CHRNA3: variants seen among roughly 807,000 people sequenced by gnomAD.
The protein encoded by CHRNA3 is cholinergic receptor nicotinic alpha 3 subunit, also known as neuronal acetylcholine receptor subunit alpha-3.
A neutral mutation model predicts 41.9 loss-of-function variants in CHRNA3; 34 were observed. The ratio of observed to expected loss-of-function variants is 0.81; its 90% CI spans 0.62 to 1.08. The LOEUF (loss-of-function observed/expected upper bound fraction) is 1.08. Ranked by LOEUF, CHRNA3 falls within the 50% of genes least tolerant of loss-of-function variation. The pLI, the probability that CHRNA3 is intolerant of heterozygous loss-of-function variation, is 0.00. For synonymous variants in CHRNA3, 281 were observed against 265.2 expected, an observed-to-expected ratio of 1.06 and a Z score of -0.58; for missense variants, 542 against 638.3, an observed-to-expected ratio of 0.85 and a Z score of 1.63.
chr15:78,596,767 G>T, intron 5 of CHRNA3, 35 bp from the exon 6 acceptor site: 1 of 1,583,168 alleles, frequency 6.3e-7, no homozygotes, highest in Non-Finnish European at 8.5e-7. Context: ...AAAAAACATG[G>T]AGGGAAAGGC....
intron 4 of CHRNA3, among the ~76,000 whole-genome samples, chr15:78,611,337 C>A (rs982394809): frequency 1.3e-5 from 2 of 151,812 alleles, no homozygotes; most frequent in African/African-American, 4.8e-5. Context: ...TACTGGCAAA[C>A]CGAATCCAGC....
At chr15:78,616,329 G>C (rs1245435154) in intron 4 of CHRNA3, among the ~76,000 whole-genome samples, 1 of 151,294 alleles carries the variant, frequency 6.6e-6, no homozygotes, top group Non-Finnish European at 1.5e-5. Context: ...CTCCAGCCTG[G>C]GTGACAGTAA....
rs2053537650 is a variant in CHRNA3, at chr15:78,620,732, CAG to C, written c.61_62del (p.Leu21AlafsTer14). The C allele has an allele frequency of 1.3e-6, 2 of 1,491,234 alleles. No individual in the cohort carries two copies. The highest frequency in any genetic ancestry group is 2.1e-5 in the Admixed American group (1 of 47,476). The allele number at this position is 1,491,234 out of a possible 1,614,324, so 92.4% of individuals were successfully genotyped here. A position where few individuals can be genotyped will look rare whatever the true frequency, so the allele number is the denominator to read the frequency against. ...GCGTACCTGGCAGCAGAGACAGCAG[CAG>C]CAGCAGCAGCAGCCGCGGCGGCGAC... ...ALSPPRLLLLLLLSLLPVARA... is the reference protein window; with the variant it reads ...ALSPPRLLLLXLLSLLPVARA... On this transcript the variant is annotated frameshift_variant, in exon 1 of 6. Coordinates refer to ENST00000326828, the MANE Select transcript of CHRNA3 (RefSeq NM_000743.5). LOFTEE classifies it high-confidence loss of function.
intron 5 of CHRNA3, among the ~76,000 whole-genome samples, chr15:78,599,131 C>T (rs2053157521): frequency 6.6e-6 from 1 of 152,030 alleles, no homozygotes; most frequent in Admixed American, 6.6e-5. Context: ...TGAGCCACTG[C>T]ACCTGGCCTG....
chr15:78,597,806 A>G (rs963648500), intron 5 of CHRNA3, among the ~76,000 whole-genome samples: 3 of 152,248 alleles, frequency 2.0e-5, no homozygotes, highest in African/African-American at 7.2e-5. Flanking sequence ...TTTTGAAGCA[A>G]TAATGAAATT....
chr15:78,598,952 G>A (rs1200029573), intron 5 of CHRNA3, among the ~76,000 whole-genome samples: 1 of 150,956 alleles, frequency 6.6e-6, no homozygotes, highest in African/African-American at 2.4e-5. Flanking sequence ...TTGTGCCTCA[G>A]ACTCCCGAGT....
intron 4 of CHRNA3, 75 bp downstream of exon 4, chr15:78,616,949 T>A (rs2053471341): frequency 1.0e-6 from 1 of 997,814 alleles, no homozygotes; most frequent in Non-Finnish European, 1.5e-6. Context: ...AAGGCCAGGT[T>A]TTAAGCACAG....
Position 78,601,300 on chromosome 15 carries a change from C to T in CHRNA3, c.1342G>A (p.Val448Ile), listed in dbSNP as rs199515569. ...SPEIKEAIQS[V>I]KYIAENMKAQ... ...TTCATATTTTCAGCAATATACTTGA[C>T]ACTTTGGATGGCTTCTTTGATTTCT... Residue 448 changes from valine to isoleucine, a missense_variant, in exon 5 of 6, where the codon GTC becomes ATC. Coordinates refer to ENST00000326828, the MANE Select transcript of CHRNA3 (RefSeq NM_000743.5). The T allele has an allele frequency of 9.9e-6, 16 of 1,614,076 alleles. No homozygotes were observed. The East Asian group carries it at 3.3e-4, about 34-fold the overall frequency.
chr15:78,618,847 G>C lies in CHRNA3; in HGVS notation c.151C>G (p.Arg51Gly). ...RLFEDYNEII[R>G]PVANVSDPVI... ...GGGTCAGACACGTTGGCTACAGGCC[G>C]GATGATCTCATTGTAATCTTCAAAC... The change falls in exon 2 of 6, where the codon CGG becomes GGG. Residue 51 changes from arginine (R) to glycine (G), a missense_variant. Coordinates refer to ENST00000326828, the MANE Select transcript of CHRNA3 (RefSeq NM_000743.5). The C allele has an allele frequency of 6.2e-7, 1 of 1,614,126 alleles. No homozygotes were observed. Among genetic ancestry groups the C allele is most frequent in the Non-Finnish European group, 8.5e-7 (1 of 1,180,028 alleles).
chr15:78,600,083 AATT>A (rs2053174563), intron 5 of CHRNA3: 1 of 151,594 alleles, frequency 6.6e-6, no homozygotes, highest in African/African-American at 2.4e-5. Context: ...TTTTTTAAAA[AATT>A]AATTAATTAA....
rs1437066050 is a variant in CHRNA3 at position 78,612,550 on chromosome 15, C to T, written c.377+4474G>A. Among the ~76,000 whole-genome samples, 2 of 110,992 alleles carry T rather than the reference C, an allele frequency of 1.8e-5. 1 individual carries two copies. The highest frequency in any genetic ancestry group is 3.8e-5 in the Non-Finnish European group (2 of 52,808). The allele number at this position is 110,992 out of a possible 152,430, so 72.8% of individuals were successfully genotyped here. On this transcript the variant is annotated intron_variant, in intron 4 of 5. Transcript: ENST00000326828. ...CTGAAACTGGATCCCTTCCTTACACCTTATACAAAAATTAATTCAAGATGG... is the reference window on the plus strand; with the variant it reads ...CTGAAACTGGATCCCTTCCTTACACTTTATACAAAAATTAATTCAAGATGG...
intron 4 of CHRNA3, among the ~76,000 whole-genome samples, chr15:78,606,333 C>CA (rs56305942): frequency 0.039 from 4,956 of 127,308 alleles, 128 homozygotes; most frequent in Non-Finnish European, 0.046. Context: ...GAAGATGTCT[C>CA]AAAAAAAAAA....
At chr15:78,601,212 G>T (rs748265589) in intron 5 of CHRNA3, 41 bp downstream of exon 5, 1 of 1,578,442 alleles carries the variant, frequency 6.3e-7, no homozygotes, top group South Asian at 1.2e-5. Flanking sequence ...AATATTTGTT[G>T]AATGAATGAA....
At chr15:78,605,390 C>T (rs546305265) in intron 4 of CHRNA3, among the ~76,000 whole-genome samples, 9 of 152,216 alleles carry the variant, frequency 5.9e-5, no homozygotes, top group African/African-American at 2.2e-4. Flanking sequence ...ACCTGTGGGA[C>T]CCACATGCGA....
intron 4 of CHRNA3, among the ~76,000 whole-genome samples, chr15:78,607,752 A>G (rs1039347286): frequency 1.3e-5 from 2 of 152,232 alleles, no homozygotes; most frequent in Non-Finnish European, 2.9e-5. Flanking sequence ...ACTGTGCATG[A>G]GCCAAAGCAG....
Position 78,596,440 on chromosome 15 carries a change from A to AT in CHRNA3, c.*163dup, listed in dbSNP as rs71148543. On this transcript the variant is annotated 3_prime_UTR_variant, in exon 6 of 6. Transcript: ENST00000326828. ...TTTATCGGTAATAAATACTCTTGAC[A>AT]TTTTTTTTTTTGCATGATTCCAAGA... The AT allele has an allele frequency of 6.4e-3, 7,003 of 1,094,880 alleles. 2 individuals are homozygous for AT. Among genetic ancestry groups the AT allele is most frequent in the Middle Eastern group, 0.011 (31 of 2,922 alleles). The allele number at this position is 1,094,880 out of a possible 1,614,324, so 67.8% of individuals were successfully genotyped here. A position where few individuals can be genotyped will look rare whatever the true frequency, so the allele number is the denominator to read the frequency against.
Position 78,596,470 on chromosome 15 carries a change from T to G in CHRNA3, c.*134A>C. On this transcript the variant is annotated 3_prime_UTR_variant, in exon 6 of 6. Transcript: ENST00000326828. ...TTTTTTTGCATGATTCCAAGATAAG[T>G]GGAAAATAAGTAAACCTCGAAATGC... 1.5e-6 allele frequency: 2 copies of G among 1,319,184 alleles called. No homozygotes were observed. Among genetic ancestry groups the G allele is most frequent in the South Asian group, 2.5e-5 (1 of 40,240 alleles). 81.7% of individuals were successfully genotyped at this position (1,319,184 alleles called of 1,614,324 possible). A position where few individuals can be genotyped will look rare whatever the true frequency, so the allele number is the denominator to read the frequency against.
rs556044358 is a variant in CHRNA3 at position 78,595,322 on chromosome 15, A to G, written c.*1282T>C. On this transcript the variant is annotated 3_prime_UTR_variant, in exon 6 of 6. Coordinates refer to ENST00000326828, the MANE Select transcript of CHRNA3 (RefSeq NM_000743.5). ...GTCACAGCGGGCTGCAATTCTGTCC[A>G]TTTTATTTTTGCACAGGAAAAACTA... 2 of 984,688 alleles carry G rather than the reference A, an allele frequency of 2.0e-6. No homozygotes were observed. Among genetic ancestry groups the G allele is most frequent in the Admixed American group, 1.2e-4 (2 of 16,126 alleles). The allele number at this position is 984,688 out of a possible 1,614,324, so 61.0% of individuals were successfully genotyped here. A position where few individuals can be genotyped will look rare whatever the true frequency, so the allele number is the denominator to read the frequency against.
chr15:78,612,193 C>T (rs908938417), intron 4 of CHRNA3, among the ~76,000 whole-genome samples: 6 of 152,012 alleles, frequency 3.9e-5, no homozygotes, highest in Non-Finnish European at 5.9e-5. Context: ...CAATGACTTT[C>T]TTCACAGAAT....
Sources: allele counts gnomAD v4.1 joint callset (sites outside exome capture counted in the v4.1 genomes callset), GRCh38; gene constraint gnomAD v4.1.1; transcripts MANE v1.5; gene names NCBI Gene and HGNC (gene_info 2026-07-23, HGNC 2026-07-21).